Variants in NFASC observed in about 807,000 individuals in gnomAD.
NFASC encodes neurofascin homolog.
NFASC carries 43 observed loss-of-function variants against 147.5 expected under a neutral mutation model. That is an observed-to-expected ratio of 0.29 (90% CI 0.23 to 0.38). The LOEUF (loss-of-function observed/expected upper bound fraction) is 0.38, where lower values mean the gene tolerates loss of function less well. Among genes scored for constraint, NFASC ranks in the 10% least tolerant of loss-of-function variants. The pLI, the probability that NFASC is intolerant of heterozygous loss-of-function variation, is 1.00. For synonymous variants in NFASC, 622 were observed against 665.5 expected, an observed-to-expected ratio of 0.93 and a Z score of 1.01; for missense variants, 1,320 against 1,689.0, an observed-to-expected ratio of 0.78 and a Z score of 3.83.
chr1:204,892,265 G>C (rs1236466971), intron 1 of NFASC, among the ~76,000 whole-genome samples: 3 of 152,202 alleles, frequency 2.0e-5, no homozygotes, highest in African/African-American at 7.2e-5. Context: ...ACGACTTTCA[G>C]TTCCTTAGCA....
Position 204,863,467 on chromosome 1 carries a change from A to T in NFASC, c.-200+34685A>T, listed in dbSNP as rs189806153. ...ACTTGCTATTTCAACCATTTTGTAG[A>T]CATACAACTCAGTTACATTTAGTAT... is the stretch of plus-strand genomic sequence containing the variant. On this transcript the variant is annotated intron_variant, in intron 1 of 29. Coordinates refer to ENST00000339876, the MANE Select transcript of NFASC (RefSeq NM_001005388.3). Among the ~76,000 whole-genome samples the T allele has an allele frequency of 4.1e-3, 630 of 152,308 alleles. 2 individuals are homozygous for T. Among genetic ancestry groups the T allele is most frequent in the Non-Finnish European group, 5.2e-3 (357 of 68,036 alleles).
chr1:204,962,202 AC>A, intron 8 of NFASC: 1 of 1,548,970 alleles, frequency 6.5e-7, no homozygotes, highest in Non-Finnish European at 8.9e-7. Flanking sequence ...GCCTGTGCTA[AC>A]CCCAGTTTGC....
At chr1:204,996,018 G>A (rs887027322) in intron 24 of NFASC, among the ~76,000 whole-genome samples, 10 of 152,058 alleles carry the variant, frequency 6.6e-5, no homozygotes, top group African/African-American at 2.2e-4. Flanking sequence ...GAGGAGAGGG[G>A]GCTTTGTCTC....
chr1:204,856,908 G>A (rs1219618565), intron 1 of NFASC, among the ~76,000 whole-genome samples: 1 of 152,130 alleles, frequency 6.6e-6, no homozygotes, highest in African/African-American at 2.4e-5. Flanking sequence ...ACCAGAATTT[G>A]TTTCTCCATT....
At position 204,980,363 on chromosome 1, in the gene NFASC, G is replaced by A. The variant is rs773502135; in HGVS notation, c.2177-7G>A. The A allele has an allele frequency of 1.1e-5, 17 of 1,612,864 alleles. No homozygotes were observed. The East Asian group carries it at 3.3e-4, about 32-fold the overall frequency. On this transcript the variant is annotated splice_polypyrimidine_tract_variant and splice_region_variant and intron_variant, in intron 19 of 29. Coordinates refer to ENST00000339876, the MANE Select transcript of NFASC (RefSeq NM_001005388.3). ...TGGACTTGAGCCTGTGTCTGTTTGGGTTCCAGCCCCCGAGTCCAATCCTGG... is the reference window on the plus strand; with the variant it reads ...TGGACTTGAGCCTGTGTCTGTTTGGATTCCAGCCCCCGAGTCCAATCCTGG...
At chr1:204,829,651 T>C (rs1000831383) in intron 1 of NFASC, among the ~76,000 whole-genome samples, 2 of 152,162 alleles carry the variant, frequency 1.3e-5, no homozygotes, top group Non-Finnish European at 2.9e-5. Context: ...TTCAGGTTTG[T>C]TTCCTAGATG....
chr1:204,841,289 A>C (rs1158544239), intron 1 of NFASC, among the ~76,000 whole-genome samples: 2 of 152,238 alleles, frequency 1.3e-5, no homozygotes, highest in African/African-American at 4.8e-5. Context: ...CCCACATAGC[A>C]CATGGGTGTG....
chr1:204,923,595 C>T (rs1184827435), intron 2 of NFASC, among the ~76,000 whole-genome samples: 8 of 152,212 alleles, frequency 5.3e-5, no homozygotes, highest in Non-Finnish European at 1.2e-4. Context: ...GAAACATTGA[C>T]ACAGGCCCCC....
Position 204,902,542 on chromosome 1 carries a change from T to C in NFASC, c.-199-18090T>C, listed in dbSNP as rs546266294. On this transcript the variant is annotated intron_variant, in intron 1 of 29. Transcript: ENST00000339876. ...TAACAGAGTCATTGTCTTTTAGACA[T>C]AGATGCTGAAATATCAGTAGATGAA... 9.9e-5 allele frequency among the ~76,000 whole-genome samples: 15 copies of C among 152,168 alleles called. No homozygotes were observed. In the South Asian group the frequency reaches 2.9e-3, roughly 29 times the overall value.
chr1:204,957,342 G>A (rs527626929), intron 7 of NFASC, among the ~76,000 whole-genome samples: 1 of 152,330 alleles, frequency 6.6e-6, no homozygotes, highest in African/African-American at 2.4e-5. Context: ...TCCCACAGCC[G>A]GTGAGATCTT....
chr1:204,980,244 G>A (rs899019248), intron 19 of NFASC, 126 bp from the exon 20 acceptor site: 5 of 743,130 alleles, frequency 6.7e-6, no homozygotes, highest in African/African-American at 1.7e-5. Flanking sequence ...CAGACCAAGC[G>A]TATACATAGA....
intron 11 of NFASC, among the ~76,000 whole-genome samples, chr1:204,972,485 AC>A (rs1317709537): frequency 1.3e-5 from 2 of 152,128 alleles, no homozygotes; most frequent in African/African-American, 2.4e-5. Context: ...TTGTTGATTT[AC>A]CCCAGATCCC....
chr1:204,837,543 G>A (rs1674120789), intron 1 of NFASC, among the ~76,000 whole-genome samples: 1 of 152,214 alleles, frequency 6.6e-6, no homozygotes, highest in Non-Finnish European at 1.5e-5. Flanking sequence ...CAAGATTGTG[G>A]TGTTAGAAGA....
intron 1 of NFASC, among the ~76,000 whole-genome samples, chr1:204,835,467 G>T (rs192374804): frequency 2.0e-5 from 3 of 152,184 alleles, no homozygotes; most frequent in South Asian, 4.2e-4. Flanking sequence ...GACCTCAAGT[G>T]ATCCACCCAC....
intron 1 of NFASC, among the ~76,000 whole-genome samples, chr1:204,842,405 T>C: frequency 6.6e-6 from 1 of 152,370 alleles, no homozygotes; most frequent in South Asian, 2.1e-4. Flanking sequence ...ATTTGTTCTC[T>C]GCTAAGTCCC....
At chr1:204,876,660 C>A (rs1209332326) in intron 1 of NFASC, among the ~76,000 whole-genome samples, 1 of 152,132 alleles carries the variant, frequency 6.6e-6, no homozygotes, top group Non-Finnish European at 1.5e-5. Flanking sequence ...TCTCTTTGAA[C>A]TTAGCTACGC....
At chr1:204,907,884 C>A (rs1198663041) in intron 1 of NFASC, among the ~76,000 whole-genome samples, 1 of 152,104 alleles carries the variant, frequency 6.6e-6, no homozygotes, top group Non-Finnish European at 1.5e-5. Context: ...TTTAAATACA[C>A]CTGGGAAAGT....
chr1:204,851,019 T>C (rs1325618530), intron 1 of NFASC, among the ~76,000 whole-genome samples: 1 of 152,246 alleles, frequency 6.6e-6, no homozygotes, highest in Non-Finnish European at 1.5e-5. Flanking sequence ...CCAGAATTTT[T>C]ACATGACACA....
Position 204,871,539 on chromosome 1 carries a change from C to T in NFASC, c.-200+42757C>T, listed in dbSNP as rs547573152. Among the ~76,000 whole-genome samples, 6 of 152,320 alleles carry T rather than the reference C, an allele frequency of 3.9e-5. No individual in the cohort carries two copies. The East Asian group carries it at 9.6e-4, about 24-fold the overall frequency. On this transcript the variant is annotated intron_variant, in intron 1 of 29. Coordinates refer to ENST00000339876, the MANE Select transcript of NFASC (RefSeq NM_001005388.3). ...GTCTCTGTCCTACGTTAGTCTTCTC[C>T]TGTTCCCTCGTTTGGCCATTTGCTC...
Sources: gnomAD v4.1 joint callset for allele counts (sites outside exome capture counted in the v4.1 genomes callset) on GRCh38, gnomAD v4.1.1 for gene constraint, MANE v1.5 for transcripts, NCBI Gene and HGNC (gene_info 2026-07-23, HGNC 2026-07-21) for gene names.